Variants in CYP26B1 observed in about 807,000 individuals in gnomAD.
CYP26B1 encodes the protein cytochrome P450 26B1.
In CYP26B1, 8 loss-of-function variants were observed where a neutral mutation model predicts 39.1. The ratio of observed to expected loss-of-function variants is 0.20; its 90% CI spans 0.12 to 0.37. The LOEUF (loss-of-function observed/expected upper bound fraction) is 0.37. CYP26B1 is among the 10% of genes least tolerant of loss of function. CYP26B1 has a pLI of 1.00. For synonymous variants in CYP26B1, 321 were observed against 314.3 expected (o/e 1.02, Z -0.23); for missense variants, 615 against 707.0 (o/e 0.87, Z 1.48).
In CYP26B1 at chr2:72,147,103, A is replaced by G. The variant is rs901095973; in HGVS notation, c.204+528T>C. On this transcript the variant is annotated intron_variant, in intron 1 of 5. Transcript: ENST00000001146. The surrounding 1 kb of genome is among the most constrained non-coding windows in gnomAD (Gnocchi z 6.1). ...GACACACTCGCGCGGACCGCGGACC[A>G]GGGACACTGTACCTGGCGCTGCCGA... Among the ~76,000 whole-genome samples the G allele has an allele frequency of 6.6e-6, 1 of 152,164 alleles. No individual in the cohort carries two copies. The highest frequency in any genetic ancestry group is 6.5e-5 in the Admixed American group (1 of 15,286).
In CYP26B1 at chr2:72,147,632, T is replaced by G; in HGVS notation, c.203A>C (p.Gln68Pro). 1 of 1,608,456 alleles carries G rather than the reference T, an allele frequency of 6.2e-7. No individual in the cohort carries two copies. Among genetic ancestry groups the G allele is most frequent in the Non-Finnish European group, 8.5e-7 (1 of 1,178,284 alleles). ...GCAGCGGAGCGAGCGCGCCCTTACC[T>G]GCAGCAGCCAGTGGCCGGTCTCTCC... ...LIGETGHWLL[Q>P]GSGFQSSRRE... Residue 68 changes from glutamine (Q) to proline (P), a missense_variant and splice_region_variant, in exon 1 of 6, where the codon CAG becomes CCG. Coordinates refer to ENST00000001146, the MANE Select transcript of CYP26B1 (RefSeq NM_019885.4). This position sits in a 1 kb window ranked among gnomAD's most constrained non-coding sequence, Gnocchi z 6.1.
chr2:72,132,457 C>T lies in CYP26B1; in HGVS notation c.1309G>A (p.Gly437Ser), dbSNP rs1228321015. 1.2e-6 allele frequency: 2 copies of T among 1,613,236 alleles called. No individual in the cohort carries two copies. The highest frequency in any genetic ancestry group is 1.7e-6 in the Non-Finnish European group (2 of 1,179,730). ...TGCTTGCCCAGGCAGGTCCGGACACCGCCACCGAACGGGAGGTAATGGAAG... is the reference window on the plus strand; with the variant it reads ...TGCTTGCCCAGGCAGGTCCGGACACTGCCACCGAACGGGAGGTAATGGAAG... The part of the protein sequence containing the change: ...GRFHYLPFGG[G>S]VRTCLGKHLA... Residue 437 changes from glycine (G) to serine (S), a missense_variant, in exon 6 of 6, where the codon GGT becomes AGT. Physicochemically the swap from Gly to Ser is moderately conservative, Grantham distance 56. Coordinates refer to ENST00000001146, the MANE Select transcript of CYP26B1 (RefSeq NM_019885.4).
intron 5 of CYP26B1, 132 bp from the exon 6 acceptor site, chr2:72,132,751 C>T (rs1676630820): frequency 2.0e-6 from 3 of 1,473,686 alleles, no homozygotes; most frequent in South Asian, 1.4e-5. Context: ...CCCACTGTGG[C>T]CCCCAAGGCC....
At position 72,133,183 on chromosome 2, in the gene CYP26B1, T is replaced by C. The variant is rs1384286104; in HGVS notation, c.986A>G (p.His329Arg). The C allele has an allele frequency of 5.6e-6, 9 of 1,612,320 alleles. No individual in the cohort carries two copies. Among genetic ancestry groups the C allele is most frequent in the Non-Finnish European group, 7.6e-6 (9 of 1,179,406 alleles). Residue 329 changes from histidine (H) to arginine (R), a missense_variant, in exon 5 of 6, where the codon CAT becomes CGT. Coordinates refer to ENST00000001146, the MANE Select transcript of CYP26B1 (RefSeq NM_019885.4). Reference sequence around the variant, plus strand: ...GCAGCCGCCACTGTGCAGGATGCCATGAGCCCGCAGCTCATCCCGCAGCTT... The same window carrying C: ...GCAGCCGCCACTGTGCAGGATGCCACGAGCCCGCAGCTCATCCCGCAGCTT... Reference protein sequence around the residue: ...LEKLRDELRAHGILHSGGCPC... With the variant: ...LEKLRDELRARGILHSGGCPC...
chr2:72,137,072 C>T (rs1233414633), intron 2 of CYP26B1, among the ~76,000 whole-genome samples: 3 of 152,148 alleles, frequency 2.0e-5, no homozygotes, highest in Admixed American at 2.0e-4. Context: ...TCATACCTGG[C>T]CCAGAAACAG....
intron 1 of CYP26B1, among the ~76,000 whole-genome samples, chr2:72,146,493 C>T (rs534822131): frequency 1.3e-5 from 2 of 152,356 alleles, no homozygotes; most frequent in South Asian, 4.1e-4. Flanking sequence ...CCCTCCCCGC[C>T]CCCGCTCCGC....
In CYP26B1 at chr2:72,133,796, G is replaced by C. The variant is rs545531381; in HGVS notation, c.862-489C>G. On this transcript the variant is annotated intron_variant, in intron 4 of 5. Coordinates refer to ENST00000001146, the MANE Select transcript of CYP26B1 (RefSeq NM_019885.4). ...GGACATTCAGTGGGTGATCAGGGGAGCCAATGGGGTCTGGGAGGGAGCCTG... is the reference window on the plus strand; with the variant it reads ...GGACATTCAGTGGGTGATCAGGGGACCCAATGGGGTCTGGGAGGGAGCCTG... Among the ~76,000 whole-genome samples, 201 of 152,324 alleles carry C rather than the reference G, an allele frequency of 1.3e-3. 2 individuals are homozygous for C. Among genetic ancestry groups the C allele is most frequent in the Non-Finnish European group, 1.9e-3 (127 of 68,016 alleles).
In CYP26B1 at chr2:72,130,233, G is replaced by A. The variant is rs1350011533; in HGVS notation, c.*1994C>T. ...CCAGACACTGGTTTTGTGTTGGGGG[G>A]AGGGGGTACAGGTCCGGGTGCACCA... On this transcript the variant is annotated 3_prime_UTR_variant, in exon 6 of 6. Transcript: ENST00000001146. The A allele has an allele frequency of 1.3e-5, 2 of 152,378 alleles. No individual in the cohort carries two copies. Among genetic ancestry groups the A allele is most frequent in the African/African-American group, 4.8e-5 (2 of 41,464 alleles). The allele number at this position is 152,378 out of a possible 1,614,324, so 9.4% of individuals were successfully genotyped here. A position where few individuals can be genotyped will look rare whatever the true frequency, so the allele number is the denominator to read the frequency against.
At chr2:72,144,430 C>T in intron 1 of CYP26B1, 1 of 1,353,468 alleles carries the variant, frequency 7.4e-7, no homozygotes, top group Non-Finnish European at 9.5e-7. Flanking sequence ...AGGCGGAGGC[C>T]CAGGGGCACC....
At position 72,130,665 on chromosome 2, in the gene CYP26B1, C is replaced by A. The variant is rs563080447; in HGVS notation, c.*1562G>T. ...GAAAGCAAGGAAAAATCTAGAGACT[C>A]ACCAAACGCCCGGAAACCTTCCCCA... On this transcript the variant is annotated 3_prime_UTR_variant, in exon 6 of 6. Coordinates refer to ENST00000001146, the MANE Select transcript of CYP26B1 (RefSeq NM_019885.4). The A allele has an allele frequency of 1.3e-5, 2 of 152,308 alleles. No individual in the cohort carries two copies. The highest frequency in any genetic ancestry group is 3.9e-4 in the East Asian group (2 of 5,178). The allele number at this position is 152,308 out of a possible 1,614,324, so 9.4% of individuals were successfully genotyped here. A position where few individuals can be genotyped will look rare whatever the true frequency, so the allele number is the denominator to read the frequency against.
At chr2:72,133,504 C>G (rs1273863878) in intron 4 of CYP26B1, among the ~76,000 whole-genome samples, 197 bp from the exon 5 acceptor site, 8 of 152,214 alleles carry the variant, frequency 5.3e-5, no homozygotes, top group Admixed American at 1.3e-4. Flanking sequence ...ACAGCCAGTC[C>G]CTAGCTGGGC....
rs1265484282 is a variant in CYP26B1 at position 72,129,616 on chromosome 2, T to G, written c.*2611A>C. The G allele has an allele frequency of 1.3e-5, 2 of 151,790 alleles. No individual in the cohort carries two copies. The highest frequency in any genetic ancestry group is 3.9e-4 in the East Asian group (2 of 5,156). 9.4% of individuals were successfully genotyped at this position (151,790 alleles called of 1,614,324 possible). On this transcript the variant is annotated 3_prime_UTR_variant, in exon 6 of 6. Transcript: ENST00000001146. ...GACAGACACAAAATTATAACATTTA[T>G]GAAAAAAAAGGTTTGTGTATAAAAT...
intron 2 of CYP26B1, among the ~76,000 whole-genome samples, chr2:72,143,411 G>A (rs1353218491): frequency 6.6e-6 from 1 of 151,144 alleles, no homozygotes; most frequent in Non-Finnish European, 1.5e-5. Flanking sequence ...CTCGTGCCTC[G>A]CCTGCTCTCC....
At chr2:72,139,765 C>T (rs1391549442) in intron 2 of CYP26B1, among the ~76,000 whole-genome samples, 1 of 152,230 alleles carries the variant, frequency 6.6e-6, no homozygotes, top group Non-Finnish European at 1.5e-5. Flanking sequence ...AGGGGCCCTC[C>T]CAAGGTCACA....
chr2:72,132,177 A>C lies in CYP26B1; in HGVS notation c.*50T>G. 6 of 1,563,544 alleles carry C rather than the reference A, an allele frequency of 3.8e-6. No individual in the cohort carries two copies. The highest frequency in any genetic ancestry group is 5.2e-6 in the Non-Finnish European group (6 of 1,153,950). ...TCCCACACACAGGTTTCTACCTCCC[A>C]CAACCACCACCCCGCTGCCTGGGCT... On this transcript the variant is annotated 3_prime_UTR_variant, in exon 6 of 6. Transcript: ENST00000001146.
rs1676600439 is a variant in CYP26B1, at chr2:72,132,159, C to T, written c.*68G>A. On this transcript the variant is annotated 3_prime_UTR_variant, in exon 6 of 6. Transcript: ENST00000001146. ...CTCCCCGTTCCGGCCCCCTCCCACA[C>T]ACAGGTTTCTACCTCCCACAACCAC... 1.3e-6 allele frequency: 2 copies of T among 1,534,386 alleles called. No homozygotes were observed. The highest frequency in any genetic ancestry group is 1.4e-5 in the African/African-American group (1 of 73,074).
intron 2 of CYP26B1, among the ~76,000 whole-genome samples, chr2:72,143,713 G>C (rs550324011): frequency 1.1e-4 from 16 of 152,376 alleles, no homozygotes; most frequent in Non-Finnish European, 1.5e-5. Flanking sequence ...GCAAGGACAG[G>C]CTTTGGACAC....
chr2:72,147,494 G>A lies in CYP26B1; in HGVS notation c.204+137C>T. The A allele has an allele frequency of 2.2e-6, 2 of 892,782 alleles. No homozygotes were observed. Among genetic ancestry groups the A allele is most frequent in the Non-Finnish European group, 1.6e-6 (1 of 638,264 alleles). 55.3% of individuals were successfully genotyped at this position (892,782 alleles called of 1,614,324 possible). On this transcript the variant is annotated intron_variant, in intron 1 of 5. Coordinates refer to ENST00000001146, the MANE Select transcript of CYP26B1 (RefSeq NM_019885.4). The surrounding 1 kb of genome is among the most constrained non-coding windows in gnomAD (Gnocchi z 6.1). The stretch of plus-strand genomic sequence containing the variant: ...GGGCTGGGGAAGCCCGGGCTGCTGC[G>A]GCAGAGAGGAGGGAAGGGGCGGGGC...
chr2:72,137,183 C>T (rs1046496672), intron 2 of CYP26B1, among the ~76,000 whole-genome samples: 10 of 152,298 alleles, frequency 6.6e-5, no homozygotes, highest in South Asian at 4.1e-4. Flanking sequence ...GCCTCTCACC[C>T]GGTGCCCTGG....
Sources: allele counts gnomAD v4.1 joint callset (sites outside exome capture counted in the v4.1 genomes callset), GRCh38; gene constraint gnomAD v4.1.1; non-coding constraint Gnocchi (gnomAD v3.1); transcripts MANE v1.5; gene names NCBI Gene and HGNC (gene_info 2026-07-23, HGNC 2026-07-21).